Variants in FOXP2 observed in about 807,000 individuals in gnomAD.
FOXP2 encodes forkhead box protein P2.
Under a neutral mutation model 115.8 loss-of-function variants are expected in FOXP2, and 12 were observed. The ratio of observed to expected loss-of-function variants is 0.10; its 90% confidence interval spans 0.07 to 0.17. FOXP2 has a LOEUF of 0.17. FOXP2 is among the 10% of genes least tolerant of loss of function. The pLI is 1.00. For missense variants in FOXP2, 629 were observed against 843.5 expected (o/e 0.75, Z 3.15); for synonymous variants, 328 against 297.7 (o/e 1.10, Z -1.05).
intron 2 of FOXP2, among the ~76,000 whole-genome samples, chr7:114,500,474 C>T (rs952106356): frequency 6.6e-6 from 1 of 151,932 alleles, no homozygotes; most frequent in Non-Finnish European, 1.5e-5. Context: ...TTAATATATA[C>T]AACCCATTCC....
chr7:114,636,172 A>G (rs1304871873), intron 6 of FOXP2, among the ~76,000 whole-genome samples: 2 of 152,180 alleles, frequency 1.3e-5, no homozygotes, highest in Non-Finnish European at 2.9e-5. Context: ...AGATCTCTGA[A>G]GGATACTCCA....
At chr7:114,274,994 G>T (rs539237848) in intron 1 of FOXP2, among the ~76,000 whole-genome samples, 1 of 151,894 alleles carries the variant, frequency 6.6e-6, no homozygotes, top group Non-Finnish European at 1.5e-5. Flanking sequence ...CTCCTTGCTT[G>T]CATGGCTTAT....
At chr7:114,608,360 A>C (rs970054462) in intron 3 of FOXP2, among the ~76,000 whole-genome samples, 6 of 152,048 alleles carry the variant, frequency 3.9e-5, no homozygotes, top group African/African-American at 1.4e-4. Flanking sequence ...TTTTTTTTAT[A>C]GCTAATATGA....
rs1483976727 is a variant in FOXP2 at position 114,642,634 on chromosome 7, T to C, written c.989+11T>C. On this transcript the variant is annotated intron_variant, in intron 7 of 16. Coordinates refer to ENST00000350908, the MANE Select transcript of FOXP2 (RefSeq NM_014491.4). The stretch of plus-strand genomic sequence containing the variant: ...TGCAAGACGAGACAGGTAAATCTCA[T>C]GAGCTTTATTCTATATTTATCTATT... 1.9e-6 allele frequency: 3 copies of C among 1,605,826 alleles called. No homozygotes were observed. In the African/African-American group the frequency reaches 4.0e-5, roughly 22 times the overall value.
intron 2 of FOXP2, among the ~76,000 whole-genome samples, chr7:114,385,846 C>G (rs892040652): frequency 6.6e-6 from 1 of 152,108 alleles, no homozygotes; most frequent in African/African-American, 2.4e-5. Context: ...GGTGGCGGGC[C>G]GCTTCCAAGA....
chr7:114,480,634 T>C (rs1213021285), intron 2 of FOXP2, among the ~76,000 whole-genome samples: 1 of 150,414 alleles, frequency 6.6e-6, no homozygotes, highest in Non-Finnish European at 1.5e-5. Flanking sequence ...CATGTATACA[T>C]ATGTATATGC....
At chr7:114,119,234 A>G (rs1189223869) in intron 1 of FOXP2, among the ~76,000 whole-genome samples, 1 of 152,154 alleles carries the variant, frequency 6.6e-6, no homozygotes, top group African/African-American at 2.4e-5. Flanking sequence ...CCGGAGAGTG[A>G]CAAAATACTT....
At chr7:114,287,896 CAT>C (rs1358046443) in intron 1 of FOXP2, 1 of 286,308 alleles carries the variant, frequency 3.5e-6, no homozygotes, top group East Asian at 8.9e-5. Flanking sequence ...TGCATGTTAA[CAT>C]TAACAATTTT....
intron 2 of FOXP2, among the ~76,000 whole-genome samples, chr7:114,506,030 A>G (rs992841957): frequency 2.0e-5 from 3 of 151,396 alleles, no homozygotes; most frequent in Non-Finnish European, 4.4e-5. Flanking sequence ...CCACTCCCAC[A>G]TTAAAAAACA....
intron 2 of FOXP2, among the ~76,000 whole-genome samples, chr7:114,401,305 C>T (rs905823343): frequency 6.6e-6 from 1 of 151,976 alleles, no homozygotes; most frequent in African/African-American, 2.4e-5. Flanking sequence ...CCAAGAACAC[C>T]ATTAATATTT....
At chr7:114,199,388 A>C (rs1351920821) in intron 1 of FOXP2, among the ~76,000 whole-genome samples, 2 of 152,148 alleles carry the variant, frequency 1.3e-5, no homozygotes, top group African/African-American at 4.8e-5. Context: ...ATATAAAATA[A>C]ATACATATAT....
At chr7:114,532,579 C>T (rs942148741) in intron 2 of FOXP2, among the ~76,000 whole-genome samples, 14 of 151,780 alleles carry the variant, frequency 9.2e-5, no homozygotes, top group Non-Finnish European at 1.9e-4. Flanking sequence ...TTTCATTTTT[C>T]TTATGTGCTA....
At chr7:114,205,870 A>C (rs1299860793) in intron 1 of FOXP2, among the ~76,000 whole-genome samples, 1 of 152,182 alleles carries the variant, frequency 6.6e-6, no homozygotes, top group African/African-American at 2.4e-5. Context: ...GTAGCTGGAA[A>C]GATAAGTCCT....
At chr7:114,185,007 A>G (rs555398804) in intron 1 of FOXP2, among the ~76,000 whole-genome samples, 1 of 152,282 alleles carries the variant, frequency 6.6e-6, no homozygotes, top group Admixed American at 6.5e-5. Flanking sequence ...TGCCTTCATT[A>G]CCAAAATGTA....
chr7:114,348,870 C>T (rs1035634050), intron 2 of FOXP2, among the ~76,000 whole-genome samples: 7 of 152,044 alleles, frequency 4.6e-5, no homozygotes, highest in African/African-American at 1.2e-4. Flanking sequence ...GCCATCAGTG[C>T]GTGGGTATCA....
chr7:114,435,212 A>G (rs887175539), intron 2 of FOXP2, among the ~76,000 whole-genome samples: 33 of 152,176 alleles, frequency 2.2e-4, no homozygotes, highest in Non-Finnish European at 4.4e-5. Context: ...TAGTCATGCC[A>G]TGATAGAGGT....
intron 8 of FOXP2, among the ~76,000 whole-genome samples, chr7:114,650,912 G>T (rs959942243): frequency 1.3e-5 from 2 of 151,942 alleles, no homozygotes; most frequent in Non-Finnish European, 2.9e-5. Flanking sequence ...CAAGGTATAG[G>T]CAAAACAAAG....
At chr7:114,285,950 T>C in intron 1 of FOXP2, among the ~76,000 whole-genome samples, 1 of 152,040 alleles carries the variant, frequency 6.6e-6, no homozygotes, top group Non-Finnish European at 1.5e-5. Context: ...CAAAATCAAT[T>C]AATTTTATGT....
chr7:114,593,141 G>T (rs1203175572), intron 3 of FOXP2, among the ~76,000 whole-genome samples: 1 of 151,568 alleles, frequency 6.6e-6, no homozygotes, highest in Non-Finnish European at 1.5e-5. Context: ...TTTACTCTGT[G>T]GTTTTAGATT....
Sources: gnomAD v4.1 joint callset for allele counts (sites outside exome capture counted in the v4.1 genomes callset) on GRCh38, gnomAD v4.1.1 for gene constraint, MANE v1.5 for transcripts, NCBI Gene and HGNC (gene_info 2026-07-23, HGNC 2026-07-21) for gene names.